PROSER1: variants seen among roughly 807,000 people sequenced by gnomAD.
PROSER1 encodes proline and serine-rich protein 1.
Under a neutral mutation model 71.8 loss-of-function variants are expected in PROSER1, and 36 were observed. The ratio of observed to expected loss-of-function variants is 0.50; its 90% CI spans 0.38 to 0.66. The LOEUF (loss-of-function observed/expected upper bound fraction) is 0.66, where lower values mean the gene tolerates loss of function less well. Among genes scored for constraint, PROSER1 ranks in the 30% least tolerant of loss-of-function variants. The pLI is 0.00. For synonymous variants in PROSER1, 490 were observed against 452.4 expected (o/e 1.08, Z -1.06); for missense variants, 1,107 against 1,135.0 (o/e 0.98, Z 0.35).
chr13:39,015,118 T>C (rs1055104467), intron 10 of PROSER1, among the ~76,000 whole-genome samples: 1 of 152,190 alleles, frequency 6.6e-6, no homozygotes, highest in African/African-American at 2.4e-5. Context: ...ATAGTCTTAG[T>C]ACCTAGCACA....
chr13:39,031,857 C>G (rs1398404130), intron 2 of PROSER1: 1 of 502,728 alleles, frequency 2.0e-6, no homozygotes, highest in African/African-American at 2.0e-5. Context: ...GTGACACAAG[C>G]TACATTTCAA....
chr13:39,036,331 A>AT (rs1871098245), intron 1 of PROSER1, among the ~76,000 whole-genome samples: 1 of 152,232 alleles, frequency 6.6e-6, no homozygotes, highest in Non-Finnish European at 1.5e-5. Flanking sequence ...ACCAGAGACA[A>AT]TTTTAATAAT....
chr13:39,014,326 A>C lies in PROSER1; in HGVS notation c.926T>G (p.Leu309Arg), dbSNP rs1265354930. The stretch of plus-strand genomic sequence containing the variant: ...TGGGAACACAGGAAGGACAGTATTC[A>C]GCAGGTTCATTCCAGAAACGGTGGC... ...AAATVSGMNL[L>R]NTVLPVFPGQ... Residue 309 changes from leucine (L) to arginine (R), a missense_variant, in exon 11 of 13, where the codon CTG (leucine) becomes CGG (arginine). Transcript: ENST00000352251. 3 of 1,614,030 alleles carry C rather than the reference A, an allele frequency of 1.9e-6. No individual in the cohort carries two copies. The highest frequency in any genetic ancestry group is 2.7e-5 in the African/African-American group (2 of 74,912).
In PROSER1 at chr13:39,024,470, T is replaced by C. The variant is rs1294448448; in HGVS notation, c.564+3A>G. ...GGCTTGTTTCATCATTTTCTAAACA[T>C]ACTGGTTTGGATGGCCCAAGAATTC... On this transcript the variant is annotated splice_donor_region_variant and intron_variant, in intron 7 of 12. Transcript: ENST00000352251. 1.9e-6 allele frequency: 3 copies of C among 1,601,266 alleles called. No homozygotes were observed. The highest frequency in any genetic ancestry group is 2.2e-5 in the South Asian group (2 of 90,074).
At chr13:39,031,380 A>G (rs1296044649) in intron 3 of PROSER1, among the ~76,000 whole-genome samples, 183 bp downstream of exon 3, 4 of 152,268 alleles carry the variant, frequency 2.6e-5, no homozygotes, top group African/African-American at 9.6e-5. Flanking sequence ...TGTAGCATAC[A>G]ATTTAAATGT....
intron 4 of PROSER1, among the ~76,000 whole-genome samples, chr13:39,028,664 A>G (rs1189848118): frequency 2.6e-5 from 4 of 152,190 alleles, no homozygotes; most frequent in African/African-American, 7.2e-5. Context: ...TGCTAAATGC[A>G]TAGTTTTATC....
In PROSER1 at chr13:39,029,358, C is replaced by CT. The variant is rs779521949; in HGVS notation, c.197dup (p.Pro67AlafsTer15). 1 of 1,460,350 alleles carries CT rather than the reference C, an allele frequency of 6.8e-7. No homozygotes were observed. The highest frequency in any genetic ancestry group is 1.6e-5 in the South Asian group (1 of 63,424). The allele number at this position is 1,460,350 out of a possible 1,614,324, so 90.5% of individuals were successfully genotyped here. A position where few individuals can be genotyped will look rare whatever the true frequency, so the allele number is the denominator to read the frequency against. ...TGAGTATATTGACCACTTCTGTTGG[C>CT]TGGACAGCCACCATTTTCTGTTGAT... On this transcript the variant is annotated frameshift_variant, in exon 4 of 13. Coordinates refer to ENST00000352251, the MANE Select transcript of PROSER1 (RefSeq NM_025138.5). LOFTEE classifies it high-confidence loss of function.
chr13:39,012,999 A>G lies in PROSER1; in HGVS notation c.2253T>C (p.Leu751=). Residue 751 remains leucine, a synonymous_variant, in exon 11 of 13, where the codon CTT becomes CTC. Transcript: ENST00000352251. ...PSSTAAVLSG[L]SASAPVSAAP... ...CTGCTGAGACTGGTGCTGAAGCAGA[A>G]AGCCCTGAGAGAACAGCTGCCGTTG... The G allele has an allele frequency of 6.2e-7, 1 of 1,614,184 alleles. No homozygotes were observed. The highest frequency in any genetic ancestry group is 1.3e-5 in the African/African-American group (1 of 75,044).
chr13:39,021,222 T>A (rs776273690), intron 9 of PROSER1, among the ~76,000 whole-genome samples: 9 of 152,158 alleles, frequency 5.9e-5, no homozygotes, highest in Non-Finnish European at 1.2e-4. Context: ...CTAATCTGCA[T>A]GTGATAAACT....
intron 3 of PROSER1, among the ~76,000 whole-genome samples, chr13:39,030,113 T>C (rs994529661): frequency 2.0e-5 from 3 of 152,232 alleles, no homozygotes; most frequent in African/African-American, 7.2e-5. Flanking sequence ...GGTTTTCACA[T>C]ACTTTTATGT....
rs769142069 is a variant in PROSER1 at position 39,022,392 on chromosome 13, G to C, written c.664C>G (p.Leu222Val). ...GCTATGACATTCGCTAATGGTACCA[G>C]ACCTGCATTGTTATAAGCACCTAAA... is the stretch of plus-strand genomic sequence containing the variant. ...IAPSAYNNAGLVPLANVIAPP... is the reference protein window; with the variant it reads ...IAPSAYNNAGVVPLANVIAPP... The change falls in exon 9 of 13, where the codon CTG becomes GTG. Residue 222 changes from leucine (L) to valine (V), a missense_variant. Leu to Val is a conservative substitution (Grantham distance 32, BLOSUM62 1). Coordinates refer to ENST00000352251, the MANE Select transcript of PROSER1 (RefSeq NM_025138.5). 6.2e-7 allele frequency: 1 copy of C among 1,612,332 alleles called. No homozygotes were observed. Among genetic ancestry groups the C allele is most frequent in the East Asian group, 2.2e-5 (1 of 44,848 alleles).
chr13:39,012,213 GCTTGAAGTCCAGATGATA>G lies in PROSER1; in HGVS notation c.2564_2581del (p.Leu855_Ala861delinsSer). The G allele has an allele frequency of 6.2e-7, 1 of 1,614,144 alleles. No individual in the cohort carries two copies. Among genetic ancestry groups the G allele is most frequent in the Non-Finnish European group, 8.5e-7 (1 of 1,180,010 alleles). ...GCCTGGAAAAACAGAACTGCCTGCA[GCTTGAAGTCCAGATGATA>G]AACTAAAACAATTGACAGAAAAACA... On this transcript the variant is annotated inframe_deletion and splice_region_variant, in exon 12 of 13. Transcript: ENST00000352251.
chr13:39,024,797 CAG>C (rs1386469859), intron 6 of PROSER1, among the ~76,000 whole-genome samples: 1 of 152,060 alleles, frequency 6.6e-6, no homozygotes, highest in Non-Finnish European at 1.5e-5. Flanking sequence ...ATGAAAAACA[CAG>C]AGAGGATGAC....
At chr13:39,028,377 A>G in intron 4 of PROSER1, 57 bp from the exon 5 acceptor site, 1 of 983,514 alleles carries the variant, frequency 1.0e-6, no homozygotes, top group Non-Finnish European at 1.6e-6. Context: ...ACATCGAGGT[A>G]AGCAACCTTT....
At position 39,026,331 on chromosome 13, in the gene PROSER1, G is replaced by C. The variant is rs1296417824; in HGVS notation, c.426C>G (p.Ile142Met). 6.2e-7 allele frequency: 1 copy of C among 1,612,562 alleles called. No individual in the cohort carries two copies. Among genetic ancestry groups the C allele is most frequent in the Non-Finnish European group, 8.5e-7 (1 of 1,179,554 alleles). Reference protein sequence around the residue: ...PHAMISSCGTIPGNPYPKGRP... With the variant: ...PHAMISSCGTMPGNPYPKGRP... ...TTCCTTTGGGATATGGATTTCCTGG[G>C]ATTGTTCCACAAGAAGATATCATAG... The change falls in exon 6 of 13, where the codon ATC becomes ATG. Residue 142 changes from isoleucine (I) to methionine (M), a missense_variant. Transcript: ENST00000352251.
chr13:39,026,866 C>A (rs2138124289), intron 5 of PROSER1, among the ~76,000 whole-genome samples: 1 of 152,212 alleles, frequency 6.6e-6, no homozygotes, highest in South Asian at 2.1e-4. Context: ...CGTTCAAAAA[C>A]CAACTTAGAC....
chr13:39,025,854 T>C lies in PROSER1; in HGVS notation c.480+423A>G, dbSNP rs572977738. ...TGAGAAAGCTGTTTTACAAAGAGGT[T>C]TGAGGAACATTAGATGATATAAAAA... is the stretch of plus-strand genomic sequence containing the variant. On this transcript the variant is annotated intron_variant, in intron 6 of 12. Coordinates refer to ENST00000352251, the MANE Select transcript of PROSER1 (RefSeq NM_025138.5). Among the ~76,000 whole-genome samples the C allele has an allele frequency of 5.9e-5, 9 of 152,292 alleles. No individual in the cohort carries two copies. In the South Asian group the frequency reaches 1.0e-3, roughly 18 times the overall value.
chr13:39,021,105 C>T (rs1165612931), intron 9 of PROSER1, among the ~76,000 whole-genome samples: 1 of 152,166 alleles, frequency 6.6e-6, no homozygotes, highest in African/African-American at 2.4e-5. Flanking sequence ...GACAATCATG[C>T]CAACTGGCCG....
At chr13:39,029,485 T>C (rs1288783515) in intron 3 of PROSER1, 110 bp from the exon 4 acceptor site, 15 of 527,192 alleles carry the variant, frequency 2.8e-5, no homozygotes, top group East Asian at 1.4e-4. Context: ...TTAGATAAAA[T>C]ATATCACATT....
Sources: allele counts gnomAD v4.1 joint callset (sites outside exome capture counted in the v4.1 genomes callset), GRCh38; gene constraint gnomAD v4.1.1; transcripts MANE v1.5; gene names NCBI Gene and HGNC (gene_info 2026-07-23, HGNC 2026-07-21).